CSMD1: variants seen among roughly 807,000 people sequenced by gnomAD.
CSMD1 encodes the protein CUB and sushi domain-containing protein 1.
In CSMD1, 213 loss-of-function variants were observed where a neutral mutation model predicts 417.5. That is an observed-to-expected ratio of 0.51 (90% CI 0.46 to 0.57). CSMD1 has a LOEUF of 0.57. CSMD1 is among the 20% of genes least tolerant of loss of function. The pLI is 0.00. For synonymous variants in CSMD1, 2,862 were observed against 1,736.8 expected (o/e 1.65, Z -16.11); for missense variants, 6,923 against 4,529.7 (o/e 1.53, Z -15.17).
intron 37 of CSMD1, among the ~76,000 whole-genome samples, chr8:3,169,503 G>C (rs1820449173): frequency 6.6e-6 from 1 of 152,080 alleles, no homozygotes; most frequent in Non-Finnish European, 1.5e-5. Context: ...AAATGTGGTT[G>C]CCTAGGGCTA....
intron 1 of CSMD1, among the ~76,000 whole-genome samples, chr8:4,647,554 T>A (rs999763576): frequency 1.8e-4 from 27 of 152,050 alleles, no homozygotes; most frequent in African/African-American, 5.8e-4. Context: ...CTCCTCTAAG[T>A]TCCCTCCCCT....
intron 1 of CSMD1, among the ~76,000 whole-genome samples, chr8:4,869,304 G>A (rs569447823): frequency 2.6e-4 from 39 of 152,068 alleles, no homozygotes; most frequent in Non-Finnish European, 4.9e-4. Context: ...TCATTTGATG[G>A]AAACAGTGGA....
intron 2 of CSMD1, among the ~76,000 whole-genome samples, chr8:4,587,967 C>T (rs1263699950): frequency 6.6e-6 from 1 of 152,108 alleles, no homozygotes; most frequent in South Asian, 2.1e-4. Context: ...AAAGTATACC[C>T]AGCAACATCA....
Position 4,263,165 on chromosome 8 carries a change from T to A in CSMD1, c.415+156788A>T, listed in dbSNP as rs140270444. Among the ~76,000 whole-genome samples, 849 of 152,166 alleles carry A rather than the reference T, an allele frequency of 5.6e-3. 9 individuals carry two copies. Among genetic ancestry groups the A allele is most frequent in the African/African-American group, 0.02 (812 of 41,572 alleles). On this transcript the variant is annotated intron_variant, in intron 3 of 69. Transcript: ENST00000635120. ...AAAATGTATTACGTAAAAGCAATGTTCTGACTAGCTGTGTATTCTAGTGCC... is the reference window on the plus strand; with the variant it reads ...AAAATGTATTACGTAAAAGCAATGTACTGACTAGCTGTGTATTCTAGTGCC...
chr8:4,602,336 G>C (rs1028916521), intron 2 of CSMD1, among the ~76,000 whole-genome samples: 29 of 152,202 alleles, frequency 1.9e-4, no homozygotes, highest in African/African-American at 6.3e-4. Flanking sequence ...AAACCAAATA[G>C]CAGATAAGGA....
At chr8:3,840,469 A>C (rs1803055730) in intron 5 of CSMD1, among the ~76,000 whole-genome samples, 1 of 152,186 alleles carries the variant, frequency 6.6e-6, no homozygotes, top group African/African-American at 2.4e-5. Context: ...TGAACATAAT[A>C]GGCATTCAAT....
chr8:4,990,416 T>C (rs756151027), intron 1 of CSMD1, among the ~76,000 whole-genome samples: 1 of 151,684 alleles, frequency 6.6e-6, no homozygotes, highest in Non-Finnish European at 1.5e-5. Context: ...CAGGCTGGAG[T>C]GCAATGGCAC....
intron 3 of CSMD1, among the ~76,000 whole-genome samples, chr8:4,150,820 A>G (rs1796531345): frequency 6.6e-6 from 1 of 152,244 alleles, no homozygotes; most frequent in African/African-American, 2.4e-5. Context: ...TTGGGAGAAG[A>G]CAGGGAGGGA....
At chr8:4,012,077 G>C (rs1172749578) in intron 4 of CSMD1, among the ~76,000 whole-genome samples, 1 of 151,952 alleles carries the variant, frequency 6.6e-6, no homozygotes, top group African/African-American at 2.4e-5. Flanking sequence ...CATATGCCTA[G>C]CTATATTGTA....
intron 1 of CSMD1, among the ~76,000 whole-genome samples, chr8:4,936,110 A>G (rs1232599882): frequency 6.6e-6 from 1 of 152,252 alleles, no homozygotes; most frequent in Non-Finnish European, 1.5e-5. Flanking sequence ...AATTACAGTT[A>G]TAAAAATGGT....
intron 4 of CSMD1, among the ~76,000 whole-genome samples, chr8:4,027,419 G>C (rs117988530): frequency 7.2e-4 from 110 of 152,202 alleles, no homozygotes; most frequent in Non-Finnish European, 1.3e-3. Flanking sequence ...ATTGTGGGAG[G>C]TGATTAGATC....
intron 1 of CSMD1, among the ~76,000 whole-genome samples, chr8:4,827,767 T>C (rs1799921942): frequency 6.6e-6 from 1 of 152,168 alleles, no homozygotes; most frequent in Non-Finnish European, 1.5e-5. Flanking sequence ...AGGATTTCAT[T>C]AAAGATTGAA....
chr8:4,958,080 T>G (rs571466323), intron 1 of CSMD1, among the ~76,000 whole-genome samples: 10 of 152,322 alleles, frequency 6.6e-5, no homozygotes, highest in African/African-American at 9.6e-5. Context: ...TGTATTTGAG[T>G]GTTCATAATC....
At chr8:3,925,519 C>G (rs1325157744) in intron 5 of CSMD1, among the ~76,000 whole-genome samples, 1 of 152,182 alleles carries the variant, frequency 6.6e-6, no homozygotes, top group Non-Finnish European at 1.5e-5. Flanking sequence ...TGGGTCCCCA[C>G]TCAAAACTTC....
intron 5 of CSMD1, among the ~76,000 whole-genome samples, chr8:3,833,380 A>G (rs1461858590): frequency 1.3e-5 from 2 of 152,118 alleles, no homozygotes; most frequent in Admixed American, 1.3e-4. Flanking sequence ...ACCTCCTAAA[A>G]TAATTTACTG....
intron 5 of CSMD1, among the ~76,000 whole-genome samples, chr8:3,761,104 C>T (rs993814099): frequency 6.6e-6 from 1 of 152,066 alleles, no homozygotes; most frequent in Non-Finnish European, 1.5e-5. Context: ...GGCTGTTACT[C>T]ACATTGTAAG....
intron 7 of CSMD1, among the ~76,000 whole-genome samples, chr8:3,693,455 G>A (rs964815219): frequency 1.3e-5 from 2 of 152,086 alleles, no homozygotes; most frequent in Admixed American, 6.6e-5. Context: ...GTATTGATAC[G>A]AGGAGTTGAT....
intron 55 of CSMD1, among the ~76,000 whole-genome samples, chr8:2,976,415 T>A (rs1440230567): frequency 2.6e-5 from 4 of 152,124 alleles, no homozygotes; most frequent in African/African-American, 7.2e-5. Context: ...CAGCCTGGAG[T>A]GCAGTGGTGC....
At chr8:4,724,687 T>C (rs1386246237) in intron 1 of CSMD1, among the ~76,000 whole-genome samples, 2 of 152,268 alleles carry the variant, frequency 1.3e-5, no homozygotes, top group African/African-American at 2.4e-5. Flanking sequence ...TTTTAAATTA[T>C]TGAACACCAT....
Sources: allele counts gnomAD v4.1 joint callset (sites outside exome capture counted in the v4.1 genomes callset), GRCh38; gene constraint gnomAD v4.1.1; transcripts MANE v1.5; gene names NCBI Gene and HGNC (gene_info 2026-07-23, HGNC 2026-07-21).